ST6GALNAC3: variants seen among roughly 807,000 people sequenced by gnomAD.
ST6GALNAC3 encodes the protein alpha-N-acetylgalactosaminide alpha-2,6-sialyltransferase 3.
ST6GALNAC3 carries 25 observed loss-of-function variants against 32.7 expected under a neutral mutation model. The ratio of observed to expected loss-of-function variants is 0.76; its 90% CI spans 0.56 to 1.07. The LOEUF (loss-of-function observed/expected upper bound fraction) is 1.07, where lower values mean the gene tolerates loss of function less well. Among genes scored for constraint, ST6GALNAC3 ranks in the 50% least tolerant of loss-of-function variants. The probability of loss-of-function intolerance (pLI) is 0.00; values close to 1 mark genes in which losing one functional copy is unlikely to be tolerated. For missense variants in ST6GALNAC3, 355 were observed against 382.4 expected, an observed-to-expected ratio of 0.93 and a Z score of 0.60; for synonymous variants, 129 against 133.1, an observed-to-expected ratio of 0.97 and a Z score of 0.21.
At chr1:76,516,178 T>C (rs550850527) in intron 3 of ST6GALNAC3, among the ~76,000 whole-genome samples, 1 of 152,320 alleles carries the variant, frequency 6.6e-6, no homozygotes, top group Non-Finnish European at 1.5e-5. Context: ...TCAAGCCAGC[T>C]GTTGTGCTGG....
Position 76,631,165 on chromosome 1 carries a change from A to G in ST6GALNAC3, c.*2359A>G, listed in dbSNP as rs1184033748. On this transcript the variant is annotated 3_prime_UTR_variant, in exon 5 of 5. Coordinates refer to ENST00000328299, the MANE Select transcript of ST6GALNAC3 (RefSeq NM_152996.4). ...AATATGTAGACTCCAGTGTTTTCTTAGGAGGGGTGGGAAAGGGCTTTCTTT... is the reference window on the plus strand; with the variant it reads ...AATATGTAGACTCCAGTGTTTTCTTGGGAGGGGTGGGAAAGGGCTTTCTTT... 8.0e-6 allele frequency: 3 copies of G among 376,952 alleles called. No homozygotes were observed. Among genetic ancestry groups the G allele is most frequent in the African/African-American group, 6.6e-5 (3 of 45,394 alleles). 23.4% of individuals were successfully genotyped at this position (376,952 alleles called of 1,614,324 possible).
At chr1:76,530,958 G>A (rs767824166) in intron 3 of ST6GALNAC3, among the ~76,000 whole-genome samples, 3 of 152,194 alleles carry the variant, frequency 2.0e-5, no homozygotes, top group Non-Finnish European at 2.9e-5. Context: ...GGCTATCCTC[G>A]TAGCTAATTC....
chr1:76,576,795 T>G (rs1340341265), intron 3 of ST6GALNAC3: 1 of 1,268,976 alleles, frequency 7.9e-7, no homozygotes, highest in Admixed American at 2.3e-5. Flanking sequence ...GTGATTTGCA[T>G]GTCTAACTAA....
chr1:76,105,849 C>T (rs1036825435), intron 1 of ST6GALNAC3, among the ~76,000 whole-genome samples: 2 of 152,080 alleles, frequency 1.3e-5, no homozygotes, highest in African/African-American at 4.8e-5. Flanking sequence ...GTACAAATAC[C>T]ACTTCAAATA....
chr1:76,348,382 G>A (rs958992666), intron 2 of ST6GALNAC3, among the ~76,000 whole-genome samples: 2 of 152,120 alleles, frequency 1.3e-5, no homozygotes, highest in African/African-American at 4.8e-5. Context: ...TTGCACATGA[G>A]AATTGATGTG....
intron 3 of ST6GALNAC3, among the ~76,000 whole-genome samples, chr1:76,605,649 G>A (rs1320165782): frequency 6.6e-6 from 1 of 152,020 alleles, no homozygotes; most frequent in Non-Finnish European, 1.5e-5. Flanking sequence ...TGGATCACCT[G>A]AAGTCAGGAG....
intron 1 of ST6GALNAC3, among the ~76,000 whole-genome samples, chr1:76,285,198 A>T (rs1659707736): frequency 6.6e-6 from 1 of 152,254 alleles, no homozygotes. Flanking sequence ...CCCTAACCAG[A>T]AGCTTAGATC....
At chr1:76,481,001 C>T (rs963794762) in intron 3 of ST6GALNAC3, among the ~76,000 whole-genome samples, 1 of 152,036 alleles carries the variant, frequency 6.6e-6, no homozygotes, top group African/African-American at 2.4e-5. Flanking sequence ...CAGGAGCAGA[C>T]CACATACTTC....
intron 1 of ST6GALNAC3, among the ~76,000 whole-genome samples, chr1:76,157,800 A>C (rs192990344): frequency 1.3e-5 from 2 of 152,226 alleles, no homozygotes; most frequent in African/African-American, 4.8e-5. Context: ...CACCCATTTA[A>C]CTATCCTCCA....
At chr1:76,584,244 T>G (rs1646930162) in intron 3 of ST6GALNAC3, among the ~76,000 whole-genome samples, 1 of 152,192 alleles carries the variant, frequency 6.6e-6, no homozygotes, top group South Asian at 2.1e-4. Context: ...ACATGTCATT[T>G]ATAATGTCAA....
At chr1:76,129,582 GCT>G (rs956180227) in intron 1 of ST6GALNAC3, among the ~76,000 whole-genome samples, 2 of 152,110 alleles carry the variant, frequency 1.3e-5, no homozygotes, top group African/African-American at 4.8e-5. Flanking sequence ...CTGTTCTGTG[GCT>G]CTCTTAGCTT....
chr1:76,460,515 T>G (rs1658208040), intron 3 of ST6GALNAC3, among the ~76,000 whole-genome samples: 1 of 152,206 alleles, frequency 6.6e-6, no homozygotes, highest in Admixed American at 6.5e-5. Context: ...TGGTTTCACC[T>G]GTCAAGAAAT....
At chr1:76,294,167 A>G (rs1034316667) in intron 1 of ST6GALNAC3, among the ~76,000 whole-genome samples, 4 of 152,150 alleles carry the variant, frequency 2.6e-5, no homozygotes, top group African/African-American at 9.7e-5. Context: ...ATTTAAATAC[A>G]CATAATGTCA....
chr1:76,591,513 T>C (rs1402681978), intron 3 of ST6GALNAC3, among the ~76,000 whole-genome samples: 1 of 152,132 alleles, frequency 6.6e-6, no homozygotes, highest in East Asian at 1.9e-4. Context: ...TGGGCACATA[T>C]TATCATTCAT....
intron 3 of ST6GALNAC3, among the ~76,000 whole-genome samples, chr1:76,626,700 T>C (rs1384746581): frequency 2.0e-5 from 3 of 151,808 alleles, no homozygotes; most frequent in Admixed American, 1.3e-4. Flanking sequence ...AGATCTTTGT[T>C]CCCATGATCA....
chr1:76,321,907 A>C (rs761596608), intron 2 of ST6GALNAC3, among the ~76,000 whole-genome samples: 30 of 152,330 alleles, frequency 2.0e-4, no homozygotes, highest in Middle Eastern at 3.4e-3. Flanking sequence ...ATCAGCAGTC[A>C]AACTAGATTG....
At chr1:76,401,254 T>C (rs1653393676) in intron 2 of ST6GALNAC3, among the ~76,000 whole-genome samples, 1 of 152,148 alleles carries the variant, frequency 6.6e-6, no homozygotes, top group African/African-American at 2.4e-5. Context: ...GCTTCTATCT[T>C]CTCTTTCATT....
chr1:76,607,512 CTG>C (rs1647639966), intron 3 of ST6GALNAC3, among the ~76,000 whole-genome samples: 1 of 152,138 alleles, frequency 6.6e-6, no homozygotes, highest in South Asian at 2.1e-4. Flanking sequence ...TCATATTACT[CTG>C]GAGATTCCAA....
chr1:76,258,544 G>A (rs923119596), intron 1 of ST6GALNAC3, among the ~76,000 whole-genome samples: 2 of 152,160 alleles, frequency 1.3e-5, no homozygotes, highest in African/African-American at 4.8e-5. Flanking sequence ...GCTCCCCTGG[G>A]ATGAAGCAAT....
Sources: gnomAD v4.1 joint callset for allele counts (sites outside exome capture counted in the v4.1 genomes callset) on GRCh38, gnomAD v4.1.1 for gene constraint, MANE v1.5 for transcripts, NCBI Gene and HGNC (gene_info 2026-07-23, HGNC 2026-07-21) for gene names.